The following CYC1 variants were observed in gnomAD, a reference collection of about 807,000 sequenced individuals.
The protein encoded by CYC1 is cytochrome c1, also known as cytochrome c1, heme protein, mitochondrial.
CYC1 carries 10 observed loss-of-function variants against 33.8 expected under a neutral mutation model. That is an observed-to-expected ratio of 0.30 (90% confidence interval 0.18 to 0.50). CYC1 has a LOEUF of 0.50. CYC1 is among the 20% of genes least tolerant of loss of function. The probability of loss-of-function intolerance (pLI) is 0.98; values close to 1 mark genes in which losing one functional copy is unlikely to be tolerated. For missense variants in CYC1, 459 were observed against 437.6 expected, an observed-to-expected ratio of 1.05 and a Z score of -0.44; for synonymous variants, 224 against 181.9, an observed-to-expected ratio of 1.23 and a Z score of -1.86.
Position 144,096,150 on chromosome 8 carries a change from A to G in CYC1, c.353A>G (p.Lys118Arg). 1 of 1,613,682 alleles carries G rather than the reference A, an allele frequency of 6.2e-7. No homozygotes were observed. Residue 118 changes from lysine to arginine, a missense_variant, in exon 3 of 7, where the codon AAG becomes AGG. Physicochemically the swap from Lys to Arg is conservative, Grantham distance 26. Coordinates refer to ENST00000318911, the MANE Select transcript of CYC1 (RefSeq NM_001916.5). ...ATCCGGAGGGGTTTCCAGGTATATAAGCAGGTGTGCGCCTCCTGCCACAGC... is the reference window on the plus strand; with the variant it reads ...ATCCGGAGGGGTTTCCAGGTATATAGGCAGGTGTGCGCCTCCTGCCACAGC... ...TSIRRGFQVY[K>R]QVCASCHSMD... is the part of the protein sequence containing the mutation.
At position 144,095,154 on chromosome 8, in the gene CYC1, G is replaced by C. The variant is rs1002027014; in HGVS notation, c.55G>C (p.Gly19Arg). Reference protein sequence around the residue: ...RGVVLGPRGAGLPGARARGLL... With the variant: ...RGVVLGPRGARLPGARARGLL... ...GGTAGTGTTGGGCCCGCGGGGCGCG[G>C]GGCTCCCGGGCGCGCGTGCCCGGGG... Residue 19 changes from glycine to arginine, a missense_variant, in exon 1 of 7, where the codon GGG (glycine) becomes CGG (arginine). By Grantham distance (125) the Gly-to-Arg change is moderately radical. Coordinates refer to ENST00000318911, the MANE Select transcript of CYC1 (RefSeq NM_001916.5). 4 of 1,210,350 alleles carry C rather than the reference G, an allele frequency of 3.3e-6. No homozygotes were observed. Among genetic ancestry groups the C allele is most frequent in the Non-Finnish European group, 3.1e-6 (3 of 973,310 alleles). 75.0% of individuals were successfully genotyped at this position (1,210,350 alleles called of 1,614,324 possible).
rs1044095788 is a variant in CYC1, at chr8:144,095,131, T to C, written c.32T>C (p.Val11Ala). The part of the protein sequence containing the change: MAAAAASLRG[V>A]VLGPRGAGLP... ...GCAGCTGCGGCTTCGCTTCGCGGGGTAGTGTTGGGCCCGCGGGGCGCGGGG... is the reference window on the plus strand; with the variant it reads ...GCAGCTGCGGCTTCGCTTCGCGGGGCAGTGTTGGGCCCGCGGGGCGCGGGG... Residue 11 changes from valine (V) to alanine (A), a missense_variant, in exon 1 of 7, where the codon GTA (valine) becomes GCA (alanine). Physicochemically the swap from Val to Ala is moderately conservative, Grantham distance 64. Transcript: ENST00000318911. 2 of 1,208,174 alleles carry C rather than the reference T, an allele frequency of 1.7e-6. No individual in the cohort carries two copies. Among genetic ancestry groups the C allele is most frequent in the Non-Finnish European group, 2.1e-6 (2 of 971,998 alleles). 74.8% of individuals were successfully genotyped at this position (1,208,174 alleles called of 1,614,324 possible).
At chr8:144,096,278 C>A (rs1371280361) in intron 3 of CYC1, 28 bp downstream of exon 3, 2 of 1,612,680 alleles carry the variant, frequency 1.2e-6, no homozygotes, top group East Asian at 4.5e-5. Flanking sequence ...GCCTGGGACC[C>A]AGGGCTCAGG....
chr8:144,095,717 G>A, intron 1 of CYC1, 116 bp from the exon 2 acceptor site: 1 of 1,062,944 alleles, frequency 9.4e-7, no homozygotes, highest in Admixed American at 2.1e-5. Flanking sequence ...GACAGGGTGT[G>A]CGTCTGGTGC....
intron 5 of CYC1, 81 bp from the exon 6 acceptor site, chr8:144,096,953 G>C: frequency 1.5e-6 from 2 of 1,316,078 alleles, no homozygotes; most frequent in Non-Finnish European, 1.1e-6. Context: ...GGTAGGGGCA[G>C]TGTCTGCTTC....
chr8:144,095,219 G>T lies in CYC1; in HGVS notation c.120G>T (p.Arg40=). 1 of 1,200,776 alleles carries T rather than the reference G, an allele frequency of 8.3e-7. No individual in the cohort carries two copies. Among genetic ancestry groups the T allele is most frequent in the South Asian group, 4.2e-5 (1 of 23,876 alleles). The allele number at this position is 1,200,776 out of a possible 1,614,324, so 74.4% of individuals were successfully genotyped here. The change falls in exon 1 of 7, where the codon CGG becomes CGT. Residue 40 remains arginine, a synonymous_variant. Transcript: ENST00000318911. ...CSARPGQLPL[R]TPQAVALSSK... is the part of the protein sequence containing the mutation. ...CGCGTCCCGGGCAGCTCCCGCTACG[G>T]ACACCTCAGGTGAGCGCTGGGCCGG...
intron 6 of CYC1, 48 bp downstream of exon 6, chr8:144,097,182 C>A: frequency 6.2e-7 from 1 of 1,606,770 alleles, no homozygotes; most frequent in Non-Finnish European, 8.5e-7. Context: ...GGGCTGGGAG[C>A]TGGGCAGGGC....
chr8:144,095,964 G>A lies in CYC1; in HGVS notation c.261G>A (p.Leu87=), dbSNP rs775910166. ...ALHSAVSASD[L]ELHPPSYPWS... is the part of the protein sequence containing the mutation. The stretch of plus-strand genomic sequence containing the variant: ...ATTCGGCTGTGAGTGCCAGTGACCT[G>A]GAGCTGCACCCCCCCAGCTATCCGT... Residue 87 remains leucine, a synonymous_variant, in exon 2 of 7, where the codon CTG becomes CTA. Transcript: ENST00000318911. 29 of 1,607,980 alleles carry A rather than the reference G, an allele frequency of 1.8e-5. No homozygotes were observed. The highest frequency in any genetic ancestry group is 2.4e-5 in the Non-Finnish European group (28 of 1,179,696).
Position 144,095,139 on chromosome 8 carries a change from G to A in CYC1, c.40G>A (p.Gly14Ser), listed in dbSNP as rs1353156780. Residue 14 changes from glycine (G) to serine (S), a missense_variant, in exon 1 of 7, where the codon GGC becomes AGC. By Grantham distance (56) the Gly-to-Ser change is moderately conservative. Transcript: ENST00000318911. ...AAASLRGVVL[G>S]PRGAGLPGAR... Reference sequence around the variant, plus strand: ...GGCTTCGCTTCGCGGGGTAGTGTTGGGCCCGCGGGGCGCGGGGCTCCCGGG... The same window carrying A: ...GGCTTCGCTTCGCGGGGTAGTGTTGAGCCCGCGGGGCGCGGGGCTCCCGGG... 8.3e-6 allele frequency: 10 copies of A among 1,210,748 alleles called. No homozygotes were observed. The highest frequency in any genetic ancestry group is 1.6e-5 in the African/African-American group (1 of 63,438). The allele number at this position is 1,210,748 out of a possible 1,614,324, so 75.0% of individuals were successfully genotyped here. A position where few individuals can be genotyped will look rare whatever the true frequency, so the allele number is the denominator to read the frequency against.
In CYC1 at chr8:144,096,238, G is replaced by A; in HGVS notation, c.441G>A (p.Glu147=). Residue 147 remains glutamate (E), a synonymous_variant, in exon 3 of 7, where the codon GAG becomes GAA. Coordinates refer to ENST00000318911, the MANE Select transcript of CYC1 (RefSeq NM_001916.5). ...GCTACACGGAGGATGAAGCTAAGGAGCTGGCTGCGGAGGTGTGGGGTCTGG... is the reference window on the plus strand; with the variant it reads ...GCTACACGGAGGATGAAGCTAAGGAACTGGCTGCGGAGGTGTGGGGTCTGG... ...GVCYTEDEAK[E]LAAEVEVQDG... 1.2e-6 allele frequency: 2 copies of A among 1,614,080 alleles called. No individual in the cohort carries two copies. Among genetic ancestry groups the A allele is most frequent in the Middle Eastern group, 1.6e-4 (1 of 6,062 alleles).
rs1016758811 is a variant in CYC1 at position 144,097,498 on chromosome 8, A to G, written c.*162A>G. On this transcript the variant is annotated 3_prime_UTR_variant, in exon 7 of 7. Coordinates refer to ENST00000318911, the MANE Select transcript of CYC1 (RefSeq NM_001916.5). Reference sequence around the variant, plus strand: ...TCTGGGCCCTCCTTCAGCCCCCATCATGGGAATAAATTAATTTTCTCAATG... The same window carrying G: ...TCTGGGCCCTCCTTCAGCCCCCATCGTGGGAATAAATTAATTTTCTCAATG... The G allele has an allele frequency of 1.7e-6, 1 of 604,010 alleles. No homozygotes were observed. The highest frequency in any genetic ancestry group is 1.9e-5 in the African/African-American group (1 of 53,942). 37.4% of individuals were successfully genotyped at this position (604,010 alleles called of 1,614,324 possible). A position where few individuals can be genotyped will look rare whatever the true frequency, so the allele number is the denominator to read the frequency against.
At chr8:144,095,712 G>T in intron 1 of CYC1, 121 bp from the exon 2 acceptor site, 1 of 1,010,324 alleles carries the variant, frequency 9.9e-7, no homozygotes, top group Non-Finnish European at 1.5e-6. Context: ...AGTGGGACAG[G>T]GTGTGCGTCT....
Position 144,096,041 on chromosome 8 carries a change from G to GCTGA in CYC1, c.326+15_326+16insACTG, listed in dbSNP as rs1276171378. ...TTGGACCACACCAGGTGTGCAGCTGGCTGGCTGGCTGGCAGCGGGAGGTTC... is the reference window on the plus strand; with the variant it reads ...TTGGACCACACCAGGTGTGCAGCTGGCTGACTGGCTGGCTGGCAGCGGGAGGTTC... On this transcript the variant is annotated intron_variant, in intron 2 of 6. Transcript: ENST00000318911. 3 of 1,599,390 alleles carry GCTGA rather than the reference G, an allele frequency of 1.9e-6. No individual in the cohort carries two copies. The highest frequency in any genetic ancestry group is 2.7e-5 in the African/African-American group (2 of 74,694).
At position 144,095,248 on chromosome 8, in the gene CYC1, C is replaced by T; in HGVS notation, c.129+20C>T. 4 of 1,197,304 alleles carry T rather than the reference C, an allele frequency of 3.3e-6. No homozygotes were observed. The highest frequency in any genetic ancestry group is 4.1e-6 in the Non-Finnish European group (4 of 965,722). The allele number at this position is 1,197,304 out of a possible 1,614,324, so 74.2% of individuals were successfully genotyped here. ...CCTCAGGTGAGCGCTGGGCCGGGCC[C>T]CGGCCTCCGCGCGGCCCCGCATCTC... On this transcript the variant is annotated intron_variant, in intron 1 of 6. Transcript: ENST00000318911.
rs924113201 is a variant in CYC1 at position 144,097,441 on chromosome 8, A to G, written c.*105A>G. 9 of 899,838 alleles carry G rather than the reference A, an allele frequency of 1.0e-5. No homozygotes were observed. Among genetic ancestry groups the G allele is most frequent in the Non-Finnish European group, 1.6e-5 (9 of 575,440 alleles). 55.7% of individuals were successfully genotyped at this position (899,838 alleles called of 1,614,324 possible). A position where few individuals can be genotyped will look rare whatever the true frequency, so the allele number is the denominator to read the frequency against. On this transcript the variant is annotated 3_prime_UTR_variant, in exon 7 of 7. Transcript: ENST00000318911. Reference sequence around the variant, plus strand: ...GCTAAGCCTCTCTTCATCTGGAAGAAGAGGCAAGGGGGCAGGAGACCAGGC... The same window carrying G: ...GCTAAGCCTCTCTTCATCTGGAAGAGGAGGCAAGGGGGCAGGAGACCAGGC...
chr8:144,096,801 G>A (rs1836167823), intron 5 of CYC1, 57 bp downstream of exon 5: 1 of 1,417,130 alleles, frequency 7.1e-7, no homozygotes, highest in Non-Finnish European at 9.7e-7. Context: ...CTACCCCCAG[G>A]GATGCTTTCC....
chr8:144,097,201 A>C (rs1564311572), intron 6 of CYC1, 31 bp from the exon 7 acceptor site: 3 of 1,609,318 alleles, frequency 1.9e-6, no homozygotes, highest in African/African-American at 2.7e-5. Context: ...GCTCCTCCCC[A>C]CTCCCTTCTC....
chr8:144,097,209 C>G, intron 6 of CYC1, 23 bp from the exon 7 acceptor site: 1 of 1,613,132 alleles, frequency 6.2e-7, no homozygotes, highest in Non-Finnish European at 8.5e-7. Context: ...CCACTCCCTT[C>G]TCTGAGCCTT....
At chr8:144,096,964 A>G in intron 5 of CYC1, 70 bp from the exon 6 acceptor site, 1 of 1,389,352 alleles carries the variant, frequency 7.2e-7, no homozygotes, top group South Asian at 1.2e-5. Flanking sequence ...TGTCTGCTTC[A>G]CAGAGGGGGG....
Sources: allele counts gnomAD v4.1 joint callset, GRCh38; gene constraint gnomAD v4.1.1; transcripts MANE v1.5; gene names NCBI Gene and HGNC (gene_info 2026-07-23, HGNC 2026-07-21).